Variants in REEP3 observed in about 807,000 individuals in gnomAD.
The protein encoded by REEP3 is receptor expression-enhancing protein 3.
In REEP3, 20 loss-of-function variants were observed where a neutral mutation model predicts 41.3. The ratio of observed to expected loss-of-function variants is 0.48; its 90% confidence interval spans 0.34 to 0.70. The LOEUF is 0.70. REEP3 is among the 30% of genes least tolerant of loss of function. The pLI is 0.01. For missense variants in REEP3, 271 were observed against 308.8 expected, an observed-to-expected ratio of 0.88 and a Z score of 0.92; for synonymous variants, 104 against 101.8, an observed-to-expected ratio of 1.02 and a Z score of -0.13.
intron 2 of REEP3, among the ~76,000 whole-genome samples, chr10:63,581,082 A>G: frequency 6.6e-6 from 1 of 152,212 alleles, no homozygotes. Flanking sequence ...GCTAAAGATT[A>G]TATTATTTAT....
intron 2 of REEP3, among the ~76,000 whole-genome samples, chr10:63,573,045 A>G (rs926356947): frequency 6.6e-6 from 1 of 152,228 alleles, no homozygotes; most frequent in Admixed American, 6.5e-5. Context: ...TATCTACTTC[A>G]AAATTATTTT....
intron 4 of REEP3, 40 bp from the exon 5 acceptor site, chr10:63,599,130 A>G (rs922959821): frequency 2.0e-6 from 2 of 1,018,744 alleles, no homozygotes; most frequent in Non-Finnish European, 3.0e-6. Flanking sequence ...TATTAACACT[A>G]TTTTTAAGTA....
chr10:63,539,948 G>A (rs772735587), intron 1 of REEP3, among the ~76,000 whole-genome samples: 3 of 152,074 alleles, frequency 2.0e-5, no homozygotes, highest in African/African-American at 7.2e-5. Flanking sequence ...GTCAGGAAAC[G>A]GTCACAGAGC....
intron 1 of REEP3, among the ~76,000 whole-genome samples, chr10:63,540,410 T>C (rs902245709): frequency 6.6e-6 from 1 of 152,260 alleles, no homozygotes; most frequent in Non-Finnish European, 1.5e-5. Context: ...GCTTTATGTT[T>C]GTTTTTAATT....
rs1312558296 is a variant in REEP3 at position 63,621,532 on chromosome 10, A to G, written c.*663A>G. ...TTTATTGTTTTTGCCGTATTCTGAC[A>G]TGTCAAATCTATGCCTTGAATTATA... On this transcript the variant is annotated 3_prime_UTR_variant, in exon 8 of 8. Transcript: ENST00000373758. 6.6e-6 allele frequency: 1 copy of G among 152,622 alleles called. No individual in the cohort carries two copies. Among genetic ancestry groups the G allele is most frequent in the Admixed American group, 6.5e-5 (1 of 15,282 alleles). The allele number at this position is 152,622 out of a possible 1,614,324, so 9.5% of individuals were successfully genotyped here.
At chr10:63,526,386 A>G (rs1955364796) in intron 1 of REEP3, among the ~76,000 whole-genome samples, 1 of 152,144 alleles carries the variant, frequency 6.6e-6, no homozygotes, top group Non-Finnish European at 1.5e-5. Context: ...AATGGACATT[A>G]TATATACTTC....
In REEP3 at chr10:63,598,049, A is replaced by T; in HGVS notation, c.208A>T (p.Ile70Phe). The T allele has an allele frequency of 3.1e-6, 5 of 1,612,458 alleles. No individual in the cohort carries two copies. Among genetic ancestry groups the T allele is most frequent in the Non-Finnish European group, 4.2e-6 (5 of 1,178,666 alleles). ...GTTTCCCCTGTACTATGAGCTGAAG[A>T]TTGCTTTTGTCATATGGCTGCTTTC... is the stretch of plus-strand genomic sequence containing the variant. ...AWFPLYYELK[I>F]AFVIWLLSPY... Residue 70 changes from isoleucine (I) to phenylalanine (F), a missense_variant, in exon 4 of 8, where the codon ATT becomes TTT. By Grantham distance (21) the Ile-to-Phe change is conservative (BLOSUM62 0). Coordinates refer to ENST00000373758, the MANE Select transcript of REEP3 (RefSeq NM_001001330.3).
chr10:63,613,754 T>TA (rs1438926293), intron 6 of REEP3, among the ~76,000 whole-genome samples: 10 of 152,274 alleles, frequency 6.6e-5, no homozygotes, highest in African/African-American at 2.2e-4. Flanking sequence ...GGATAACTGT[T>TA]AGACTGCTAG....
intron 5 of REEP3, among the ~76,000 whole-genome samples, chr10:63,606,364 T>TTCTG (rs10687622): frequency 1.3e-5 from 2 of 150,350 alleles, no homozygotes; most frequent in African/African-American, 2.5e-5. Context: ...CTTTCTTTCT[T>TTCTG]TGTCTTTCTT....
At chr10:63,542,683 T>A (rs890529007) in intron 1 of REEP3, among the ~76,000 whole-genome samples, 1 of 152,210 alleles carries the variant, frequency 6.6e-6, no homozygotes, top group Non-Finnish European at 1.5e-5. Context: ...GTAAGAACAT[T>A]ATTAGAATTA....
At chr10:63,550,169 T>C (rs1401406291) in intron 1 of REEP3, among the ~76,000 whole-genome samples, 4 of 152,166 alleles carry the variant, frequency 2.6e-5, no homozygotes, top group Admixed American at 2.6e-4. Context: ...GATGCATGTA[T>C]TCTCACCAAG....
rs1271546408 is a variant in REEP3 at position 63,623,734 on chromosome 10, C to T, written c.*2865C>T. The T allele has an allele frequency of 6.6e-6, 1 of 151,434 alleles. No homozygotes were observed. The highest frequency in any genetic ancestry group is 1.9e-4 in the East Asian group (1 of 5,138). 9.4% of individuals were successfully genotyped at this position (151,434 alleles called of 1,614,324 possible). On this transcript the variant is annotated 3_prime_UTR_variant, in exon 8 of 8. Coordinates refer to ENST00000373758, the MANE Select transcript of REEP3 (RefSeq NM_001001330.3). ...CACCTAGGTCCTGCATAAGATCCCC[C>T]TCACATACTTCACAATATATATGTG...
intron 2 of REEP3, among the ~76,000 whole-genome samples, chr10:63,569,308 A>G (rs1955832085): frequency 6.6e-6 from 1 of 152,138 alleles, no homozygotes; most frequent in African/African-American, 2.4e-5. Flanking sequence ...GTCTAATTCA[A>G]TGTACAGTTG....
Position 63,521,474 on chromosome 10 carries a change from T to C in REEP3, c.-72T>C. 1 of 1,070,972 alleles carries C rather than the reference T, an allele frequency of 9.3e-7. No individual in the cohort carries two copies. Among genetic ancestry groups the C allele is most frequent in the Non-Finnish European group, 1.2e-6 (1 of 823,236 alleles). The allele number at this position is 1,070,972 out of a possible 1,614,324, so 66.3% of individuals were successfully genotyped here. On this transcript the variant is annotated 5_prime_UTR_variant, in exon 1 of 8. Coordinates refer to ENST00000373758, the MANE Select transcript of REEP3 (RefSeq NM_001001330.3). The stretch of plus-strand genomic sequence containing the variant: ...CGAGGAGCCGGCGAAGCGCGCGGCC[T>C]GCCGTTGGCGGCCTGGTCCGCAGCG...
chr10:63,534,597 A>T (rs1013099734), intron 1 of REEP3, among the ~76,000 whole-genome samples: 2 of 152,182 alleles, frequency 1.3e-5, no homozygotes, highest in African/African-American at 4.8e-5. Flanking sequence ...CCTTGTTTCA[A>T]TTGGTTTCCT....
chr10:63,610,868 C>T (rs60303208), intron 6 of REEP3, among the ~76,000 whole-genome samples: 1 of 151,936 alleles, frequency 6.6e-6, no homozygotes, highest in East Asian at 1.9e-4. Context: ...TAGGAGTTCA[C>T]GACCAGCCTG....
At chr10:63,536,488 C>G (rs1186958672) in intron 1 of REEP3, among the ~76,000 whole-genome samples, 2 of 152,136 alleles carry the variant, frequency 1.3e-5, no homozygotes, top group African/African-American at 2.4e-5. Context: ...ATTAGAAACT[C>G]ATATTGCTGT....
At chr10:63,556,887 G>A (rs566074336) in intron 1 of REEP3, among the ~76,000 whole-genome samples, 4 of 151,538 alleles carry the variant, frequency 2.6e-5, no homozygotes, top group East Asian at 1.9e-4. Context: ...CGCCCGCCTC[G>A]GCCTCCCAAA....
chr10:63,572,890 T>G (rs1955865509), intron 2 of REEP3, among the ~76,000 whole-genome samples: 4 of 152,250 alleles, frequency 2.6e-5, no homozygotes, highest in Admixed American at 6.5e-5. Flanking sequence ...AATATTGTGC[T>G]TAATAGCTTG....
Sources: allele counts gnomAD v4.1 joint callset (sites outside exome capture counted in the v4.1 genomes callset), GRCh38; gene constraint gnomAD v4.1.1; transcripts MANE v1.5; gene names NCBI Gene and HGNC (gene_info 2026-07-23, HGNC 2026-07-21).